The following TIAM1 variants were observed in gnomAD, a reference collection of about 807,000 sequenced individuals.
The protein encoded by TIAM1 is rho guanine nucleotide exchange factor TIAM1.
A neutral mutation model predicts 163.5 loss-of-function variants in TIAM1; 65 were observed. That is an observed-to-expected ratio of 0.40 (90% CI 0.33 to 0.49). TIAM1 has a LOEUF of 0.49. TIAM1 is among the 20% of genes least tolerant of loss of function. The pLI is 0.77. For synonymous variants in TIAM1, 833 were observed against 810.1 expected, an observed-to-expected ratio of 1.03 and a Z score of -0.48; for missense variants, 1,789 against 2,044.7, an observed-to-expected ratio of 0.87 and a Z score of 2.41.
intron 12 of TIAM1, among the ~76,000 whole-genome samples, chr21:31,201,682 T>C (rs774671788): frequency 2.1e-4 from 32 of 152,212 alleles, no homozygotes; most frequent in Non-Finnish European, 3.8e-4. Flanking sequence ...AGAATAATAC[T>C]TGGGTTTAAA....
intron 1 of TIAM1, among the ~76,000 whole-genome samples, chr21:31,544,077 G>A (rs2048407771): frequency 1.3e-5 from 2 of 151,976 alleles, no homozygotes; most frequent in Admixed American, 1.3e-4. Context: ...GGGCATGGTG[G>A]CAAGTGCCTG....
intron 2 of TIAM1, among the ~76,000 whole-genome samples, chr21:31,425,693 TTCTC>T (rs1219080900): frequency 6.9e-6 from 1 of 145,206 alleles, no homozygotes; most frequent in South Asian, 2.3e-4. Context: ...CTCTCTTTCT[TTCTC>T]TCTCTCTCTT....
Position 31,165,004 on chromosome 21 carries a change from C to A in TIAM1, c.2949G>T (p.Gly983=). 6.2e-7 allele frequency: 1 copy of A among 1,614,152 alleles called. No individual in the cohort carries two copies. The change falls in exon 16 of 28, where the codon GGG becomes GGT. Residue 983 remains glycine (G), a synonymous_variant. Coordinates refer to ENST00000541036, the MANE Select transcript of TIAM1 (RefSeq NM_001353694.2). ...SAETAPEETE[G]PDLESSDETD... ...TCTCATCTGAGGATTCCAAGTCTGGCCCCTCGGTCTCCTCTGGAGCGGTCT... is the reference window on the plus strand; with the variant it reads ...TCTCATCTGAGGATTCCAAGTCTGGACCCTCGGTCTCCTCTGGAGCGGTCT...
upstream of TIAM1, among the ~76,000 whole-genome samples, chr21:31,349,031 G>A (rs1051015443): frequency 2.0e-5 from 3 of 152,180 alleles, no homozygotes; most frequent in Admixed American, 6.5e-5. Context: ...GCATTGCAGG[G>A]ACTGTGTGGC....
chr21:31,298,567 TTCTTCCCTCTCTAATTGTCTG>T (rs934987621), intron 2 of TIAM1, among the ~76,000 whole-genome samples: 2 of 152,186 alleles, frequency 1.3e-5, no homozygotes, highest in African/African-American at 4.8e-5. Context: ...TCATCTGGTA[TTCTTCCCTCTCTAATTGTCTG>T]TCTTCCCTCA....
At chr21:31,500,200 G>A (rs1251134458) in intron 1 of TIAM1, among the ~76,000 whole-genome samples, 2 of 152,058 alleles carry the variant, frequency 1.3e-5, no homozygotes, top group Non-Finnish European at 2.9e-5. Context: ...ACAAAGAGGA[G>A]TGGTAGCAAA....
At chr21:31,509,068 C>G (rs1483225874) in intron 1 of TIAM1, among the ~76,000 whole-genome samples, 2 of 152,148 alleles carry the variant, frequency 1.3e-5, no homozygotes, top group African/African-American at 4.8e-5. Flanking sequence ...GGTCATAGAG[C>G]AGGCCACTGA....
intron 2 of TIAM1, among the ~76,000 whole-genome samples, chr21:31,306,011 G>A (rs1179986867): frequency 6.6e-6 from 1 of 152,130 alleles, no homozygotes; most frequent in African/African-American, 2.4e-5. Flanking sequence ...GGCACACAAC[G>A]AGACAGAGGA....
At chr21:31,393,851 G>C (rs546385777) in intron 2 of TIAM1, among the ~76,000 whole-genome samples, 5 of 152,112 alleles carry the variant, frequency 3.3e-5, no homozygotes, top group African/African-American at 9.7e-5. Context: ...ATTTCCAGGA[G>C]AGTTCCAATT....
intron 11 of TIAM1, 141 bp downstream of exon 11, chr21:31,209,904 C>G (rs867684280): frequency 4.0e-5 from 32 of 800,542 alleles, no homozygotes; most frequent in Non-Finnish European, 4.9e-5. Context: ...CAAAGGAATG[C>G]AATGCTGCTC....
chr21:31,436,073 C>A (rs1298488192), intron 2 of TIAM1, among the ~76,000 whole-genome samples: 1 of 152,152 alleles, frequency 6.6e-6, no homozygotes, highest in East Asian at 1.9e-4. Flanking sequence ...TCCATAAAGC[C>A]TCATTTTATA....
In TIAM1 at chr21:31,265,931, ATCT is replaced by A. The variant is rs1404121425; in HGVS notation, c.963+76_963+78del. The A allele has an allele frequency of 2.6e-6, 4 of 1,534,720 alleles. No homozygotes were observed. The African/African-American group carries it at 5.5e-5, about 21-fold the overall frequency. ...GGTAAAACCCGATTAAAAGATGGAA[ATCT>A]TCTAAGAGCAAAGTCATGCACTTAA... On this transcript the variant is annotated intron_variant, in intron 4 of 27. Coordinates refer to ENST00000541036, the MANE Select transcript of TIAM1 (RefSeq NM_001353694.2).
chr21:31,361,512 G>A (rs991730918), intron 2 of TIAM1, among the ~76,000 whole-genome samples: 1 of 152,162 alleles, frequency 6.6e-6, no homozygotes, highest in South Asian at 2.1e-4. Flanking sequence ...GTACAGTCAC[G>A]TGTTGTGCAC....
intron 1 of TIAM1, among the ~76,000 whole-genome samples, chr21:31,488,025 G>A (rs2046336359): frequency 6.6e-6 from 1 of 152,132 alleles, no homozygotes; most frequent in African/African-American, 2.4e-5. Context: ...AATGTAGGAA[G>A]AAATCTATAG....
At chr21:31,268,351 T>C (rs535411690) in intron 3 of TIAM1, among the ~76,000 whole-genome samples, 2 of 152,318 alleles carry the variant, frequency 1.3e-5, no homozygotes, top group African/African-American at 4.8e-5. Flanking sequence ...ACCGTGATCA[T>C]TGCAAAGAGA....
chr21:31,349,580 C>T (rs1472860248), intron 2 of TIAM1, among the ~76,000 whole-genome samples: 1 of 152,146 alleles, frequency 6.6e-6, no homozygotes, highest in Non-Finnish European at 1.5e-5. Context: ...TTGTTATTGG[C>T]ACTAGAAGTA....
At chr21:31,528,570 C>A (rs958774953) in intron 1 of TIAM1, among the ~76,000 whole-genome samples, 1 of 151,156 alleles carries the variant, frequency 6.6e-6, no homozygotes, top group East Asian at 2.0e-4. Flanking sequence ...TTTGGGAGGC[C>A]GAGGCGGGCG....
intron 5 of TIAM1, among the ~76,000 whole-genome samples, chr21:31,246,832 A>T (rs893140833): frequency 1.3e-5 from 2 of 151,664 alleles, no homozygotes; most frequent in South Asian, 2.1e-4. Flanking sequence ...CTTATTTCAC[A>T]TTTTTTTTCT....
intron 13 of TIAM1, among the ~76,000 whole-genome samples, chr21:31,190,106 T>C (rs1363181810): frequency 6.6e-6 from 1 of 152,048 alleles, no homozygotes; most frequent in Non-Finnish European, 1.5e-5. Flanking sequence ...GTGCTTAAAA[T>C]TAAGTGATGA....
Sources: allele counts gnomAD v4.1 joint callset (sites outside exome capture counted in the v4.1 genomes callset), GRCh38; gene constraint gnomAD v4.1.1; transcripts MANE v1.5; gene names NCBI Gene and HGNC (gene_info 2026-07-23, HGNC 2026-07-21).